MTX2: variants seen among roughly 807,000 people sequenced by gnomAD.
MTX2 encodes the protein metaxin-2.
Under a neutral mutation model 42.3 loss-of-function variants are expected in MTX2, and 35 were observed. The ratio of observed to expected loss-of-function variants is 0.83; its 90% CI spans 0.63 to 1.10. The LOEUF (loss-of-function observed/expected upper bound fraction) is 1.10. Ranked by LOEUF, MTX2 falls within the 50% of genes least tolerant of loss-of-function variation. The pLI, the probability that MTX2 is intolerant of heterozygous loss-of-function variation, is 0.00. For synonymous variants in MTX2, 119 were observed against 100.9 expected, an observed-to-expected ratio of 1.18 and a Z score of -1.08; for missense variants, 307 against 304.1, an observed-to-expected ratio of 1.01 and a Z score of -0.07.
chr2:176,328,002 T>A (rs992006125), intron 5 of MTX2, among the ~76,000 whole-genome samples: 2 of 151,220 alleles, frequency 1.3e-5, no homozygotes, highest in Admixed American at 1.3e-4. Flanking sequence ...ATAAGGTTAA[T>A]CTCTTAAACA....
intron 1 of MTX2, among the ~76,000 whole-genome samples, chr2:176,291,569 TC>T (rs1693328815): frequency 6.6e-6 from 1 of 152,060 alleles, no homozygotes; most frequent in South Asian, 2.1e-4. Context: ...TTTGAACTAT[TC>T]AAGGAGGTCA....
intron 3 of MTX2, among the ~76,000 whole-genome samples, chr2:176,304,537 T>C (rs79889307): frequency 0.019 from 2,953 of 152,106 alleles, 34 homozygotes; most frequent in Non-Finnish European, 0.029. Flanking sequence ...CTTATTTCAA[T>C]TACAGGGTCT....
At chr2:176,273,588 A>G (rs1024589423) in intron 1 of MTX2, among the ~76,000 whole-genome samples, 1 of 152,136 alleles carries the variant, frequency 6.6e-6, no homozygotes, top group Non-Finnish European at 1.5e-5. Context: ...GGTATTCTTG[A>G]AGTGACTTCT....
intron 8 of MTX2, among the ~76,000 whole-genome samples, 198 bp from the exon 9 acceptor site, chr2:176,330,386 G>GA (rs942394407): frequency 8.7e-5 from 13 of 149,136 alleles, no homozygotes; most frequent in African/African-American, 3.2e-4. Context: ...TTCTTATATA[G>GA]AAAGTATTTC....
At chr2:176,311,575 G>A (rs1271016367) in intron 3 of MTX2, among the ~76,000 whole-genome samples, 2 of 152,220 alleles carry the variant, frequency 1.3e-5, no homozygotes, top group East Asian at 3.9e-4. Flanking sequence ...GAGCCTCCAG[G>A]TGGCTTTGTT....
chr2:176,322,215 G>T (rs1380272038), intron 3 of MTX2, among the ~76,000 whole-genome samples: 2 of 152,060 alleles, frequency 1.3e-5, no homozygotes, highest in African/African-American at 4.8e-5. Flanking sequence ...GGAGTTCTTT[G>T]TACAAGATAT....
At chr2:176,293,471 G>A (rs566704785) in intron 1 of MTX2, among the ~76,000 whole-genome samples, 2 of 152,226 alleles carry the variant, frequency 1.3e-5, no homozygotes, top group East Asian at 3.9e-4. Flanking sequence ...CCTGGTGGAG[G>A]TGTTTGGGTC....
intron 8 of MTX2, 132 bp downstream of exon 8, chr2:176,329,558 A>G (rs1684805541): frequency 1.1e-6 from 1 of 935,970 alleles, no homozygotes; most frequent in Non-Finnish European, 1.5e-6. Context: ...TTTCACTAAC[A>G]TGAAGTAATT....
rs966888792 is a variant in MTX2 at position 176,297,831 on chromosome 2, T to C, written c.89-18T>C. Reference sequence around the variant, plus strand: ...TATTCTACTTGGTTAACATTTATGCTTCATTGTATTTCCACAGGGGAGCAA... The same window carrying C: ...TATTCTACTTGGTTAACATTTATGCCTCATTGTATTTCCACAGGGGAGCAA... On this transcript the variant is annotated intron_variant, in intron 2 of 9. Coordinates refer to ENST00000249442, the MANE Select transcript of MTX2 (RefSeq NM_006554.5). 1 of 1,522,978 alleles carries C rather than the reference T, an allele frequency of 6.6e-7. No homozygotes were observed. 94.3% of individuals were successfully genotyped at this position (1,522,978 alleles called of 1,614,324 possible).
Position 176,269,557 on chromosome 2 carries a change from C to T in MTX2, c.-73C>T. On this transcript the variant is annotated 5_prime_UTR_variant, in exon 1 of 10. Transcript: ENST00000249442. ...GGCTAGGCTCGTTAACTGCCGAGAG[C>T]CTCCGGGTTTGCGGTGGAGGACGCT... 1 of 1,494,136 alleles carries T rather than the reference C, an allele frequency of 6.7e-7. No individual in the cohort carries two copies. The highest frequency in any genetic ancestry group is 2.5e-5 in the East Asian group (1 of 39,712). 92.6% of individuals were successfully genotyped at this position (1,494,136 alleles called of 1,614,324 possible).
chr2:176,275,081 G>A (rs1295248438), intron 1 of MTX2, among the ~76,000 whole-genome samples: 3 of 152,146 alleles, frequency 2.0e-5, no homozygotes, highest in Non-Finnish European at 4.4e-5. Flanking sequence ...CAGTGCTTAC[G>A]TAAACATATT....
chr2:176,295,632 A>C (rs1298766992), intron 1 of MTX2, among the ~76,000 whole-genome samples: 1 of 152,182 alleles, frequency 6.6e-6, no homozygotes, highest in Non-Finnish European at 1.5e-5. Context: ...GTGTAGCCCA[A>C]ACCAAACTAA....
At chr2:176,300,528 C>T (rs1382410266) in intron 3 of MTX2, among the ~76,000 whole-genome samples, 4 of 151,980 alleles carry the variant, frequency 2.6e-5, no homozygotes, top group African/African-American at 9.7e-5. Flanking sequence ...TTTCAAATGC[C>T]CACTAGTCTC....
At chr2:176,306,827 T>A (rs6433581) in intron 3 of MTX2, among the ~76,000 whole-genome samples, 111,755 of 151,952 alleles carry the variant, frequency 0.74, 41,754 homozygotes, top group African/African-American at 0.86. Context: ...GGATGGGTAG[T>A]TTGCAAAAAT....
intron 3 of MTX2, among the ~76,000 whole-genome samples, chr2:176,312,407 C>T (rs1368455509): frequency 1.3e-5 from 2 of 152,224 alleles, no homozygotes; most frequent in East Asian, 3.9e-4. Context: ...TGGAGTCCTT[C>T]TGTCAGTTCA....
At chr2:176,309,854 A>G (rs895370200) in intron 3 of MTX2, among the ~76,000 whole-genome samples, 2 of 148,308 alleles carry the variant, frequency 1.3e-5, no homozygotes, top group African/African-American at 5.0e-5. Context: ...TTGACTCTTT[A>G]TCCAATTTGC....
chr2:176,312,372 T>C (rs1158833239), intron 3 of MTX2, among the ~76,000 whole-genome samples: 2 of 152,204 alleles, frequency 1.3e-5, no homozygotes, highest in African/African-American at 2.4e-5. Flanking sequence ...CTATGTATAC[T>C]AACGAACCAT....
intron 3 of MTX2, 107 bp from the exon 4 acceptor site, chr2:176,323,285 G>C: frequency 1.1e-6 from 1 of 917,206 alleles, no homozygotes; most frequent in Non-Finnish European, 1.7e-6. Flanking sequence ...TTCTATTAGA[G>C]TTTTGTAGTA....
intron 3 of MTX2, among the ~76,000 whole-genome samples, chr2:176,314,950 A>C (rs556569549): frequency 5.1e-4 from 78 of 152,296 alleles, no homozygotes; most frequent in African/African-American, 1.9e-3. Context: ...AGTTCTTCTC[A>C]TTTCTTAGCA....
Sources: gnomAD v4.1 joint callset for allele counts (sites outside exome capture counted in the v4.1 genomes callset) on GRCh38, gnomAD v4.1.1 for gene constraint, MANE v1.5 for transcripts, NCBI Gene and HGNC (gene_info 2026-07-23, HGNC 2026-07-21) for gene names.